SLC35F3: variants seen among roughly 807,000 people sequenced by gnomAD.
SLC35F3 encodes the protein putative thiamine transporter SLC35F3.
Under a neutral mutation model 49.9 loss-of-function variants are expected in SLC35F3, and 25 were observed. That is an observed-to-expected ratio of 0.50 (90% CI 0.37 to 0.70). The LOEUF (loss-of-function observed/expected upper bound fraction) is 0.70. Among genes scored for constraint, SLC35F3 ranks in the 30% least tolerant of loss-of-function variants. The pLI is 0.00. For missense variants in SLC35F3, 525 were observed against 639.8 expected, an observed-to-expected ratio of 0.82 and a Z score of 1.94; for synonymous variants, 275 against 265.4, an observed-to-expected ratio of 1.04 and a Z score of -0.35.
intron 2 of SLC35F3, among the ~76,000 whole-genome samples, chr1:234,131,821 G>A (rs914737235): frequency 6.6e-6 from 1 of 152,190 alleles, no homozygotes; most frequent in Non-Finnish European, 1.5e-5. Flanking sequence ...CTGGGAGCCA[G>A]GCGTGTATTA....
rs1657495771 is a variant in SLC35F3 at position 234,316,639 on chromosome 1, T to C, written c.866T>C (p.Met289Thr). The C allele has an allele frequency of 6.2e-7, 1 of 1,612,606 alleles. No homozygotes were observed. The highest frequency in any genetic ancestry group is 8.5e-7 in the Non-Finnish European group (1 of 1,178,712). The change falls in exon 5 of 8, where the codon ATG becomes ACG. Residue 289 changes from methionine to threonine, a missense_variant. Coordinates refer to ENST00000366618, the MANE Select transcript of SLC35F3 (RefSeq NM_173508.4). ...AAILAIAGIV[M>T]MTYADGFHSH... is the part of the protein sequence containing the mutation. The stretch of plus-strand genomic sequence containing the variant: ...ATCCTCGCCATCGCTGGCATTGTGA[T>C]GATGACCTACGCTGATGGCTTCCAC...
At chr1:234,271,699 T>C (rs1356123784) in intron 3 of SLC35F3, among the ~76,000 whole-genome samples, 1 of 152,236 alleles carries the variant, frequency 6.6e-6, no homozygotes, top group Non-Finnish European at 1.5e-5. Flanking sequence ...ATATCATGAA[T>C]AGACTTTGTA....
intron 3 of SLC35F3, among the ~76,000 whole-genome samples, chr1:234,239,071 C>A (rs1019153533): frequency 1.3e-5 from 2 of 152,150 alleles, no homozygotes; most frequent in Non-Finnish European, 2.9e-5. Flanking sequence ...GACTTTTATG[C>A]GGTCATGATA....
chr1:234,255,207 A>G (rs1667800061), intron 3 of SLC35F3, among the ~76,000 whole-genome samples: 1 of 152,218 alleles, frequency 6.6e-6, no homozygotes, highest in Admixed American at 6.5e-5. Context: ...ATCAAAAAAG[A>G]TACCTCACCA....
chr1:234,123,130 A>G (rs1240754382), intron 2 of SLC35F3, among the ~76,000 whole-genome samples: 4 of 152,014 alleles, frequency 2.6e-5, no homozygotes, highest in African/African-American at 9.7e-5. Flanking sequence ...TCCAGCATCT[A>G]TTGTTTCTTG....
At chr1:234,245,547 T>G (rs1171244468) in intron 3 of SLC35F3, among the ~76,000 whole-genome samples, 1 of 152,276 alleles carries the variant, frequency 6.6e-6, no homozygotes, top group African/African-American at 2.4e-5. Context: ...TTACTATTAC[T>G]CTTTAACAAA....
chr1:234,252,221 CACT>C (rs1484796789), intron 3 of SLC35F3, among the ~76,000 whole-genome samples: 1 of 152,040 alleles, frequency 6.6e-6, no homozygotes, highest in Non-Finnish European at 1.5e-5. Context: ...AGGCCCACAC[CACT>C]ACGCCTGGCT....
At chr1:233,951,261 A>G (rs998775570) in intron 2 of SLC35F3, among the ~76,000 whole-genome samples, 5 of 152,122 alleles carry the variant, frequency 3.3e-5, no homozygotes, top group African/African-American at 1.2e-4. Context: ...TCACCTAGTG[A>G]CATCATAACT....
At chr1:234,025,906 C>T (rs963076671) in intron 2 of SLC35F3, among the ~76,000 whole-genome samples, 9 of 152,116 alleles carry the variant, frequency 5.9e-5, no homozygotes, top group African/African-American at 1.9e-4. Flanking sequence ...ATGGTAGTTC[C>T]TGGGTTTTCT....
chr1:234,175,662 C>CA (rs35257762), intron 2 of SLC35F3, among the ~76,000 whole-genome samples: 42,125 of 98,568 alleles, frequency 0.43, 10,467 homozygotes, highest in East Asian at 0.93. Flanking sequence ...GACCCTGTCT[C>CA]AAAAAAAAAA....
At chr1:234,190,314 C>A (rs962323745) in intron 2 of SLC35F3, among the ~76,000 whole-genome samples, 2 of 152,168 alleles carry the variant, frequency 1.3e-5, no homozygotes, top group Admixed American at 1.3e-4. Flanking sequence ...TGTCTGCTAC[C>A]TTTAAGAGAC....
intron 3 of SLC35F3, among the ~76,000 whole-genome samples, chr1:234,266,887 T>TTG (rs1553259701): frequency 2.0e-5 from 3 of 149,144 alleles, no homozygotes; most frequent in Admixed American, 6.6e-5. Context: ...TTTTTTTTTT[T>TTG]TTTTTTTTTT....
chr1:234,280,057 TG>T (rs1668298332), intron 3 of SLC35F3, among the ~76,000 whole-genome samples: 1 of 152,204 alleles, frequency 6.6e-6, no homozygotes, highest in African/African-American at 2.4e-5. Flanking sequence ...GTCTCCTCTG[TG>T]GTCTTTGATC....
At chr1:234,167,599 C>T (rs1019483051) in intron 2 of SLC35F3, among the ~76,000 whole-genome samples, 1 of 152,198 alleles carries the variant, frequency 6.6e-6, no homozygotes, top group African/African-American at 2.4e-5. Flanking sequence ...GCATCTTTAA[C>T]TTTTCAGAGT....
rs1558267899 is a variant in SLC35F3, at chr1:234,231,746, G to A, written c.608+5G>A. On this transcript the variant is annotated splice_donor_5th_base_variant and intron_variant, in intron 3 of 7. Coordinates refer to ENST00000366618, the MANE Select transcript of SLC35F3 (RefSeq NM_173508.4). This position sits in a 1 kb window ranked among gnomAD's most constrained non-coding sequence, Gnocchi z 5.4. ...GTCTGTGAAGCAGCGATACAGGTAG[G>A]CGCGTCCTGCATGAGGAGGCCTCCT... 1 of 1,591,040 alleles carries A rather than the reference G, an allele frequency of 6.3e-7. No individual in the cohort carries two copies.
chr1:233,906,720 G>T (rs1661783741), intron 2 of SLC35F3, among the ~76,000 whole-genome samples: 1 of 152,000 alleles, frequency 6.6e-6, no homozygotes, highest in South Asian at 2.1e-4. Flanking sequence ...GGTCTTTAAG[G>T]GGAAAACGGG....
chr1:234,211,010 TG>T (rs1219930005), intron 2 of SLC35F3, among the ~76,000 whole-genome samples: 1 of 152,248 alleles, frequency 6.6e-6, no homozygotes, highest in Admixed American at 6.5e-5. Context: ...CTAGGGACTT[TG>T]TGCCCTGCAT....
intron 3 of SLC35F3, among the ~76,000 whole-genome samples, chr1:234,283,631 G>A (rs1363149541): frequency 1.3e-5 from 2 of 152,202 alleles, no homozygotes; most frequent in African/African-American, 4.8e-5. Flanking sequence ...ATCATTGAGA[G>A]GGAAGAAATC....
intron 2 of SLC35F3, among the ~76,000 whole-genome samples, chr1:233,950,257 G>C (rs1479563984): frequency 6.6e-6 from 1 of 151,534 alleles, no homozygotes; most frequent in African/African-American, 2.4e-5. Context: ...GTGGTGGCAG[G>C]TGCCTGTAGT....
Sources: allele counts gnomAD v4.1 joint callset (sites outside exome capture counted in the v4.1 genomes callset), GRCh38; gene constraint gnomAD v4.1.1; non-coding constraint Gnocchi (gnomAD v3.1); transcripts MANE v1.5; gene names NCBI Gene and HGNC (gene_info 2026-07-23, HGNC 2026-07-21).